C8orf34: variants seen among roughly 807,000 people sequenced by gnomAD.
C8orf34 encodes the protein chromosome 8 open reading frame 34.
C8orf34 carries 65 observed loss-of-function variants against 68.3 expected under a neutral mutation model. That is an observed-to-expected ratio of 0.95 (90% CI 0.78 to 1.17). C8orf34 has a LOEUF of 1.17. Ranked by LOEUF, C8orf34 falls within the 50% of genes most tolerant of loss-of-function variation. C8orf34 has a pLI of 0.00. For synonymous variants in C8orf34, 244 were observed against 241.2 expected, an observed-to-expected ratio of 1.01 and a Z score of -0.11; for missense variants, 664 against 655.4, an observed-to-expected ratio of 1.01 and a Z score of -0.14.
At chr8:68,539,908 G>A (rs1478391717) in intron 7 of C8orf34, among the ~76,000 whole-genome samples, 1 of 150,932 alleles carries the variant, frequency 6.6e-6, no homozygotes, top group Admixed American at 6.6e-5. Context: ...CGGAAGAGTG[G>A]GCACAAAACT....
intron 1 of C8orf34, among the ~76,000 whole-genome samples, chr8:68,350,846 G>C (rs1241064603): frequency 6.6e-6 from 1 of 152,008 alleles, no homozygotes; most frequent in Non-Finnish European, 1.5e-5. Flanking sequence ...TTGAGCCTAT[G>C]AATGTCATTA....
At chr8:68,601,602 G>A (rs1817700749) in intron 7 of C8orf34, among the ~76,000 whole-genome samples, 1 of 151,962 alleles carries the variant, frequency 6.6e-6, no homozygotes. Flanking sequence ...CTATTTCTCT[G>A]CTGAGATTCA....
At chr8:68,357,309 A>G (rs1380419480) in intron 1 of C8orf34, among the ~76,000 whole-genome samples, 1 of 152,126 alleles carries the variant, frequency 6.6e-6, no homozygotes, top group African/African-American at 2.4e-5. Context: ...TGACAATGTT[A>G]AGCAGATGAT....
intron 8 of C8orf34, among the ~76,000 whole-genome samples, chr8:68,689,231 G>A (rs1167053928): frequency 6.6e-6 from 1 of 151,972 alleles, no homozygotes; most frequent in Admixed American, 6.6e-5. Flanking sequence ...AATGGACTTT[G>A]TGGACTCGAT....
chr8:68,682,481 T>C (rs1820398709), intron 8 of C8orf34, among the ~76,000 whole-genome samples: 1 of 152,146 alleles, frequency 6.6e-6, no homozygotes, highest in Non-Finnish European at 1.5e-5. Context: ...GAGACTCCCT[T>C]ACATTTCTTT....
At chr8:68,577,505 G>A (rs1356749349) in intron 7 of C8orf34, among the ~76,000 whole-genome samples, 2 of 151,810 alleles carry the variant, frequency 1.3e-5, no homozygotes, top group South Asian at 2.1e-4. Context: ...GAAATTACAT[G>A]TTACAGTAGG....
At chr8:68,456,420 A>G (rs1025694531) in intron 3 of C8orf34, among the ~76,000 whole-genome samples, 4 of 152,198 alleles carry the variant, frequency 2.6e-5, no homozygotes, top group Non-Finnish European at 5.9e-5. Context: ...CTTAATCCCC[A>G]TTTATATAGA....
At chr8:68,468,870 CCGAAGCATT>C (rs1563465756) in intron 4 of C8orf34, 50 bp downstream of exon 4, 1 of 1,567,524 alleles carries the variant, frequency 6.4e-7, no homozygotes, top group Non-Finnish European at 8.7e-7. Context: ...AATATTAAAG[CCGAAGCATT>C]CATTACTTGT....
rs561294141 is a variant in C8orf34, at chr8:68,589,495, AAGAG to A, written c.1106-50875_1106-50872del. 2.0e-4 allele frequency among the ~76,000 whole-genome samples: 30 copies of A among 149,932 alleles called. No individual in the cohort carries two copies. In the East Asian group the frequency reaches 2.9e-3, roughly 15 times the overall value. On this transcript the variant is annotated intron_variant, in intron 7 of 13. Coordinates refer to ENST00000518698, the MANE Select transcript of C8orf34 (RefSeq NM_052958.4). ...GAAAGAGGAAAAGAAAGAAGAAAGA[AAGAG>A]AGAGAACGAGAGAGAGAAAGGGAGA...
rs555132583 is a variant in C8orf34 at position 68,468,202 on chromosome 8, C to T, written c.608-490C>T. Among the ~76,000 whole-genome samples, 6 of 152,102 alleles carry T rather than the reference C, an allele frequency of 3.9e-5. No individual in the cohort carries two copies. In the South Asian group the frequency reaches 1.2e-3, roughly 32 times the overall value. On this transcript the variant is annotated intron_variant, in intron 3 of 13. Transcript: ENST00000518698. ...ATTTCTTGCCTAATAATGTCTTCTA[C>T]ACTTGTTCAACTAATTCTTTGAGGA... is the stretch of plus-strand genomic sequence containing the variant.
At chr8:68,705,330 G>GTTTTATTAAGTTCAT (rs1821132015) in intron 8 of C8orf34, among the ~76,000 whole-genome samples, 1 of 152,124 alleles carries the variant, frequency 6.6e-6, no homozygotes, top group Admixed American at 6.6e-5. Context: ...GCCTTGGATA[G>GTTTTATTAAGTTCAT]AGCTGAGGGA....
intron 9 of C8orf34, among the ~76,000 whole-genome samples, chr8:68,709,704 C>G (rs1821276776): frequency 6.6e-6 from 1 of 152,060 alleles, no homozygotes; most frequent in African/African-American, 2.4e-5. Flanking sequence ...CTATCTCACC[C>G]CTCTTTTGTT....
intron 8 of C8orf34, among the ~76,000 whole-genome samples, chr8:68,657,713 A>G (rs941821510): frequency 6.6e-6 from 1 of 152,200 alleles, no homozygotes; most frequent in African/African-American, 2.4e-5. Context: ...TCTAGATAAA[A>G]AGGCAACAAC....
At chr8:68,587,268 G>A (rs748107765) in intron 7 of C8orf34, among the ~76,000 whole-genome samples, 1 of 151,994 alleles carries the variant, frequency 6.6e-6, no homozygotes, top group Non-Finnish European at 1.5e-5. Flanking sequence ...CCATATTTAG[G>A]CACTAAATAA....
Position 68,344,128 on chromosome 8 carries a change from A to G in C8orf34, c.327+12789A>G, listed in dbSNP as rs535000021. Among the ~76,000 whole-genome samples, 10 of 152,342 alleles carry G rather than the reference A, an allele frequency of 6.6e-5. No homozygotes were observed. The East Asian group carries it at 1.9e-3, about 29-fold the overall frequency. On this transcript the variant is annotated intron_variant, in intron 1 of 13. Coordinates refer to ENST00000518698, the MANE Select transcript of C8orf34 (RefSeq NM_052958.4). ...ACAAAAACTGGTACATTATGTTTCT[A>G]GAAGTATTATTTACAGTAGTAAAAA...
At chr8:68,505,767 A>T (rs142346003) in intron 5 of C8orf34, among the ~76,000 whole-genome samples, 2 of 151,104 alleles carry the variant, frequency 1.3e-5, no homozygotes, top group East Asian at 3.9e-4. Flanking sequence ...AGAATGAGCA[A>T]CATGACTGGC....
intron 12 of C8orf34, among the ~76,000 whole-genome samples, chr8:68,812,241 A>C (rs2129529987): frequency 6.6e-6 from 1 of 152,366 alleles, no homozygotes; most frequent in South Asian, 2.1e-4. Flanking sequence ...CATAAAAATT[A>C]GAATTTTGAC....
intron 1 of C8orf34, among the ~76,000 whole-genome samples, chr8:68,372,418 GC>G (rs1371907451): frequency 6.6e-6 from 1 of 152,116 alleles, no homozygotes; most frequent in Non-Finnish European, 1.5e-5. Flanking sequence ...AGAAAGCTTA[GC>G]CTAGATGTTG....
At chr8:68,395,206 A>G (rs1808643862) in intron 1 of C8orf34, among the ~76,000 whole-genome samples, 1 of 152,048 alleles carries the variant, frequency 6.6e-6, no homozygotes, top group African/African-American at 2.4e-5. Context: ...ATATTGTCAC[A>G]TTCTGGGAGA....
Sources: allele counts gnomAD v4.1 joint callset (sites outside exome capture counted in the v4.1 genomes callset), GRCh38; gene constraint gnomAD v4.1.1; transcripts MANE v1.5; gene names NCBI Gene and HGNC (gene_info 2026-07-23, HGNC 2026-07-21).